Variants in UQCC1 observed in about 807,000 individuals in gnomAD.
UQCC1 encodes bFGF-repressed Zic-binding protein.
In UQCC1, 38 loss-of-function variants were observed where a neutral mutation model predicts 48.0. The observed-to-expected ratio is 0.79, with a 90% CI of 0.61 to 1.04. The LOEUF (loss-of-function observed/expected upper bound fraction) is 1.04, where lower values mean the gene tolerates loss of function less well. Among genes scored for constraint, UQCC1 ranks in the 50% least tolerant of loss-of-function variants. UQCC1 has a pLI of 0.00. For synonymous variants in UQCC1, 111 were observed against 129.2 expected (o/e 0.86, Z 0.95); for missense variants, 368 against 381.8 (o/e 0.96, Z 0.30).
rs186281031 is a variant in UQCC1 at position 35,400,716 on chromosome 20, T to C, written c.25-6520A>G. ...TTCACCATGTTCGCCAGGATGGTCT[T>C]GATCTCCTGACCTTGTGATCCGCCC... On this transcript the variant is annotated intron_variant, in intron 1 of 9. Transcript: ENST00000374385. 6.8e-3 allele frequency among the ~76,000 whole-genome samples: 1,037 copies of C among 151,992 alleles called. 16 individuals are homozygous for C. Among genetic ancestry groups the C allele is most frequent in the African/African-American group, 0.024 (987 of 41,480 alleles).
chr20:35,317,543 G>T (rs1010015494), intron 7 of UQCC1, among the ~76,000 whole-genome samples: 2 of 152,214 alleles, frequency 1.3e-5, no homozygotes, highest in African/African-American at 4.8e-5. Flanking sequence ...GGCTACATTA[G>T]CCATCCATCC....
intron 1 of UQCC1, among the ~76,000 whole-genome samples, chr20:35,402,434 C>T (rs1359841222): frequency 1.3e-5 from 2 of 151,696 alleles, no homozygotes; most frequent in African/African-American, 4.8e-5. Context: ...AAAAATTAGC[C>T]GGGTGTGGTG....
At chr20:35,375,947 TAAAAAAA>T (rs11367331) in intron 4 of UQCC1, among the ~76,000 whole-genome samples, 2 of 64,734 alleles carry the variant, frequency 3.1e-5, no homozygotes, top group African/African-American at 6.7e-5. Context: ...GGACCTTGCC[TAAAAAAA>T]AAAAAAAAAA....
chr20:35,368,189 A>G (rs2061690489), intron 5 of UQCC1, among the ~76,000 whole-genome samples: 1 of 152,186 alleles, frequency 6.6e-6, no homozygotes, highest in Non-Finnish European at 1.5e-5. Context: ...ACTAAATGAT[A>G]ACAAAGAGGG....
At chr20:35,387,351 G>A (rs564218979) in intron 2 of UQCC1, among the ~76,000 whole-genome samples, 6 of 152,196 alleles carry the variant, frequency 3.9e-5, no homozygotes, top group African/African-American at 1.4e-4. Context: ...AGGGGGTGCT[G>A]GGACAAACTC....
chr20:35,397,220 A>G (rs2062091641), intron 1 of UQCC1, among the ~76,000 whole-genome samples: 1 of 151,662 alleles, frequency 6.6e-6, no homozygotes, highest in South Asian at 2.1e-4. Flanking sequence ...AGAAAAAAAA[A>G]AAAAGAAAAA....
intron 2 of UQCC1, chr20:35,384,648 T>TTA (rs756673974): frequency 3.1e-6 from 1 of 324,346 alleles, no homozygotes; most frequent in Non-Finnish European, 5.9e-6. Context: ...ACCCTGTCTG[T>TTA]AAAAAAAAAA....
chr20:35,311,910 T>C (rs928638884), intron 8 of UQCC1, among the ~76,000 whole-genome samples: 11 of 152,188 alleles, frequency 7.2e-5, no homozygotes, highest in African/African-American at 1.2e-4. Context: ...TCCTACTGAA[T>C]TGTAATCTTC....
intron 7 of UQCC1, among the ~76,000 whole-genome samples, chr20:35,327,504 T>C (rs1008201314): frequency 4.5e-4 from 69 of 152,232 alleles, no homozygotes; most frequent in African/African-American, 1.6e-3. Flanking sequence ...AGACAAGGTC[T>C]TCTGGCTCCT....
chr20:35,391,609 G>A, intron 2 of UQCC1, among the ~76,000 whole-genome samples: 1 of 148,498 alleles, frequency 6.7e-6, no homozygotes, highest in Non-Finnish European at 1.5e-5. Flanking sequence ...CATCCACCCT[G>A]GACGACAGAG....
intron 1 of UQCC1, among the ~76,000 whole-genome samples, chr20:35,396,236 C>T (rs938406537): frequency 2.0e-5 from 3 of 149,682 alleles, no homozygotes; most frequent in African/African-American, 4.9e-5. Context: ...CTACCTACCT[C>T]GGACTCCCAA....
At chr20:35,362,012 T>C (rs374454548) in intron 6 of UQCC1, among the ~76,000 whole-genome samples, 80 of 152,304 alleles carry the variant, frequency 5.3e-4, no homozygotes, top group African/African-American at 1.8e-3. Flanking sequence ...TCCATGACAA[T>C]TTGAAAAGGG....
intron 1 of UQCC1, among the ~76,000 whole-genome samples, chr20:35,401,618 T>G (rs1008953009): frequency 1.8e-4 from 28 of 151,454 alleles, no homozygotes; most frequent in African/African-American, 6.8e-4. Flanking sequence ...AAATATAGAA[T>G]CTGTGAATAA....
At chr20:35,305,643 C>G (rs1433231476) in intron 9 of UQCC1, among the ~76,000 whole-genome samples, 1 of 152,246 alleles carries the variant, frequency 6.6e-6, no homozygotes, top group Non-Finnish European at 1.5e-5. Context: ...CTGGGATTCT[C>G]TACCCTGTGG....
At chr20:35,309,445 AAG>A (rs1491238046) in intron 8 of UQCC1, among the ~76,000 whole-genome samples, 1 of 152,050 alleles carries the variant, frequency 6.6e-6, no homozygotes, top group Non-Finnish European at 1.5e-5. Context: ...GAAAAAAAAA[AAG>A]AATAGCTGAA....
At chr20:35,337,291 T>G (rs2425064) in intron 7 of UQCC1, among the ~76,000 whole-genome samples, 5 of 151,620 alleles carry the variant, frequency 3.3e-5, no homozygotes, top group African/African-American at 1.2e-4. Flanking sequence ...CAGGTTCAAG[T>G]GATTCTCCTG....
chr20:35,337,971 G>C (rs2061332068), intron 7 of UQCC1, among the ~76,000 whole-genome samples: 1 of 150,258 alleles, frequency 6.7e-6, no homozygotes, highest in Non-Finnish European at 1.5e-5. Flanking sequence ...TACCGCCTTT[G>C]TTAGTCTCCT....
At chr20:35,371,248 A>C (rs983358076) in intron 5 of UQCC1, among the ~76,000 whole-genome samples, 1 of 152,212 alleles carries the variant, frequency 6.6e-6, no homozygotes, top group Non-Finnish European at 1.5e-5. Flanking sequence ...TCTAGTAAAC[A>C]TCCTTTCAAA....
intron 7 of UQCC1, among the ~76,000 whole-genome samples, chr20:35,322,350 G>A (rs1471968929): frequency 1.3e-5 from 2 of 151,864 alleles, no homozygotes; most frequent in African/African-American, 4.9e-5. Flanking sequence ...TATCTTATTT[G>A]TGCCTCACAA....
Sources: allele counts gnomAD v4.1 joint callset (sites outside exome capture counted in the v4.1 genomes callset), GRCh38; gene constraint gnomAD v4.1.1; transcripts MANE v1.5; gene names NCBI Gene and HGNC (gene_info 2026-07-23, HGNC 2026-07-21).